Variants in SLC22A2 observed in about 807,000 individuals in gnomAD.
SLC22A2 encodes solute carrier family 22 member 2.
In SLC22A2, 46 loss-of-function variants were observed where a neutral mutation model predicts 60.5. That is an observed-to-expected ratio of 0.76 (90% CI 0.60 to 0.97). The LOEUF is 0.97. Among genes scored for constraint, SLC22A2 ranks in the 50% least tolerant of loss-of-function variants. SLC22A2 has a pLI of 0.00. For synonymous variants in SLC22A2, 303 were observed against 267.0 expected (o/e 1.13, Z -1.31); for missense variants, 701 against 706.6 (o/e 0.99, Z 0.09).
intron 9 of SLC22A2, among the ~76,000 whole-genome samples, chr6:160,236,282 G>A (rs1782910908): frequency 6.6e-6 from 1 of 152,150 alleles, no homozygotes; most frequent in African/African-American, 2.4e-5. Flanking sequence ...AACAAAGCAG[G>A]AGTTAACTGC....
chr6:160,238,423 G>A (rs1782947547), intron 9 of SLC22A2, among the ~76,000 whole-genome samples: 1 of 152,222 alleles, frequency 6.6e-6, no homozygotes, highest in Admixed American at 6.5e-5. Flanking sequence ...TCTCTGAAGT[G>A]AGTGAATCAT....
chr6:160,258,488 C>T lies in SLC22A2; in HGVS notation c.270G>A (p.Arg90=), dbSNP rs781478551. 27 of 1,614,068 alleles carry T rather than the reference C, an allele frequency of 1.7e-5. No homozygotes were observed. In the Middle Eastern group the frequency reaches 4.9e-4, roughly 29 times the overall value. ...TCTGGTTCCAGTCCACCTCGTAGCG[C>T]CTACACTGTCTTGGGGAGGCTTCGC... ...PAGEASPRQC[R]RYEVDWNQST... is the part of the protein sequence containing the mutation. Residue 90 remains arginine, a synonymous_variant, in exon 1 of 11, where the codon AGG becomes AGA. Transcript: ENST00000366953.
chr6:160,222,001 T>TA (rs145345997), intron 10 of SLC22A2, among the ~76,000 whole-genome samples: 1,972 of 152,212 alleles, frequency 0.013, 34 homozygotes, highest in African/African-American at 0.045. Context: ...TTCAATCTGT[T>TA]AAAAAACACA....
Position 160,241,606 on chromosome 6 carries a change from T to G in SLC22A2, c.1389-20A>C. 5 of 1,511,384 alleles carry G rather than the reference T, an allele frequency of 3.3e-6. No homozygotes were observed. Among genetic ancestry groups the G allele is most frequent in the Non-Finnish European group, 4.6e-6 (5 of 1,086,924 alleles). 93.6% of individuals were successfully genotyped at this position (1,511,384 alleles called of 1,614,324 possible). ...AGATTCCTAGAATGCAGGAAACTGATTTAACTTGTTAACTTATCACAGTGC... is the reference window on the plus strand; with the variant it reads ...AGATTCCTAGAATGCAGGAAACTGAGTTAACTTGTTAACTTATCACAGTGC... On this transcript the variant is annotated intron_variant, in intron 8 of 10. Coordinates refer to ENST00000366953, the MANE Select transcript of SLC22A2 (RefSeq NM_003058.4).
At chr6:160,234,953 T>C (rs1355072782) in intron 9 of SLC22A2, among the ~76,000 whole-genome samples, 1 of 152,180 alleles carries the variant, frequency 6.6e-6, no homozygotes. Flanking sequence ...GAACTTTCCT[T>C]TCTCTGAGCA....
At chr6:160,245,243 T>C in intron 6 of SLC22A2, 196 bp downstream of exon 6, 1 of 361,594 alleles carries the variant, frequency 2.8e-6, no homozygotes, top group Non-Finnish European at 5.0e-6. Flanking sequence ...TGCCTTGATC[T>C]GTGCTTAGGG....
In SLC22A2 at chr6:160,245,559, T is replaced by A. The variant is rs751108234; in HGVS notation, c.958-14A>T. On this transcript the variant is annotated splice_polypyrimidine_tract_variant and intron_variant, in intron 5 of 10. Coordinates refer to ENST00000366953, the MANE Select transcript of SLC22A2 (RefSeq NM_003058.4). ...AAGTCTCAGGCGCTAAGAAAAGGAATAGAAAGGACGGCTTTGTATATTTAA... is the reference window on the plus strand; with the variant it reads ...AAGTCTCAGGCGCTAAGAAAAGGAAAAGAAAGGACGGCTTTGTATATTTAA... 6.5e-7 allele frequency: 1 copy of A among 1,541,746 alleles called. No homozygotes were observed. Among genetic ancestry groups the A allele is most frequent in the Admixed American group, 1.7e-5 (1 of 58,882 alleles).
intron 10 of SLC22A2, among the ~76,000 whole-genome samples, chr6:160,219,122 G>A (rs1782599866): frequency 0.016 from 4 of 256 alleles, no homozygotes; most frequent in African/African-American, 0.062. Flanking sequence ...AACAGCAGCA[G>A]CAACAACAGC....
chr6:160,219,645 G>A (rs976179845), intron 10 of SLC22A2, among the ~76,000 whole-genome samples: 3 of 150,522 alleles, frequency 2.0e-5, no homozygotes, highest in African/African-American at 4.9e-5. Flanking sequence ...TAATAATAAC[G>A]CCTATTTCAT....
At chr6:160,252,828 G>A (rs1032766596) in intron 2 of SLC22A2, among the ~76,000 whole-genome samples, 41 of 152,172 alleles carry the variant, frequency 2.7e-4, no homozygotes, top group African/African-American at 8.4e-4. Context: ...ACAGAGCCTC[G>A]GTTTCTTCAT....
chr6:160,247,062 A>AGCCAAAAT, intron 5 of SLC22A2, 122 bp downstream of exon 5: 2 of 625,642 alleles, frequency 3.2e-6, no homozygotes, highest in Non-Finnish European at 5.7e-6. Flanking sequence ...GCTACAGGTA[A>AGCCAAAAT]GCCAAAATGC....
At chr6:160,239,977 G>C (rs571414820) in intron 9 of SLC22A2, among the ~76,000 whole-genome samples, 1 of 152,192 alleles carries the variant, frequency 6.6e-6, no homozygotes, top group Non-Finnish European at 1.5e-5. Context: ...CAGGGTAGCT[G>C]TGTGGGGCAT....
intron 9 of SLC22A2, among the ~76,000 whole-genome samples, chr6:160,233,068 A>T (rs1782850862): frequency 6.6e-6 from 1 of 151,794 alleles, no homozygotes; most frequent in Non-Finnish European, 1.5e-5. Context: ...CTGCTATTCC[A>T]CTACTCCCCA....
intron 9 of SLC22A2, among the ~76,000 whole-genome samples, chr6:160,237,731 T>G (rs1782933421): frequency 1.3e-5 from 2 of 152,178 alleles, no homozygotes; most frequent in South Asian, 4.1e-4. Flanking sequence ...AGGCTGAGAC[T>G]TACAGGGCTG....
rs140033522 is a variant in SLC22A2, at chr6:160,224,802, C to T, written c.1504G>A (p.Val502Met). The change falls in exon 10 of 11, where the codon GTG becomes ATG. Residue 502 changes from valine (V) to methionine (M), a missense_variant and splice_region_variant. Transcript: ENST00000366953. ...AGACCTCCAGCAACCAAGCCAAGCACGCCTGAAAGCCAAACAGATGAATAT... is the reference window on the plus strand; with the variant it reads ...AGACCTCCAGCAACCAAGCCAAGCATGCCTGAAAGCCAAACAGATGAATAT... ...WLELPLMVFG[V>M]LGLVAGGLVL... 1.2e-4 allele frequency: 190 copies of T among 1,559,644 alleles called. 1 individual carries two copies. Among genetic ancestry groups the T allele is most frequent in the African/African-American group, 3.9e-4 (29 of 73,838 alleles).
At chr6:160,254,696 T>C (rs954661866) in intron 2 of SLC22A2, among the ~76,000 whole-genome samples, 8 of 152,092 alleles carry the variant, frequency 5.3e-5, no homozygotes, top group African/African-American at 9.7e-5. Context: ...CTTCAGATGG[T>C]GTAAGAAAAA....
intron 2 of SLC22A2, among the ~76,000 whole-genome samples, chr6:160,253,596 G>T (rs1783221869): frequency 6.6e-6 from 1 of 152,182 alleles, no homozygotes. Context: ...AAAGTAGGGT[G>T]CTGGCTCTTA....
chr6:160,223,204 T>C (rs1346295270), intron 10 of SLC22A2, among the ~76,000 whole-genome samples: 1 of 151,792 alleles, frequency 6.6e-6, no homozygotes, highest in Non-Finnish European at 1.5e-5. Context: ...GTGGGGAGAG[T>C]GTCAGATAGG....
At chr6:160,233,938 G>A (rs1782869033) in intron 9 of SLC22A2, among the ~76,000 whole-genome samples, 1 of 151,942 alleles carries the variant, frequency 6.6e-6, no homozygotes, top group Non-Finnish European at 1.5e-5. Context: ...TCAGGCCTCT[G>A]AGCCCAAGCT....
Sources: allele counts gnomAD v4.1 joint callset (sites outside exome capture counted in the v4.1 genomes callset), GRCh38; gene constraint gnomAD v4.1.1; transcripts MANE v1.5; gene names NCBI Gene and HGNC (gene_info 2026-07-23, HGNC 2026-07-21).